FGF18: variants seen among roughly 807,000 people sequenced by gnomAD.
The protein encoded by FGF18 is fibroblast growth factor 18.
FGF18 carries 5 observed loss-of-function variants against 23.0 expected under a neutral mutation model. That is an observed-to-expected ratio of 0.22 (90% confidence interval 0.11 to 0.46). FGF18 has a LOEUF of 0.46. Ranked by LOEUF, FGF18 falls within the 20% of genes least tolerant of loss-of-function variation. The pLI is 0.99. For synonymous variants in FGF18, 117 were observed against 118.9 expected (o/e 0.98, Z 0.10); for missense variants, 180 against 291.6 (o/e 0.62, Z 2.79).
intron 2 of FGF18, among the ~76,000 whole-genome samples, chr5:171,423,040 T>C (rs985934240): frequency 2.0e-5 from 3 of 152,216 alleles, no homozygotes; most frequent in African/African-American, 7.2e-5. Flanking sequence ...CTCGCAGTGT[T>C]TTCCAGGACT....
intron 2 of FGF18, among the ~76,000 whole-genome samples, chr5:171,429,826 GT>G (rs1268506036): frequency 1.3e-5 from 2 of 152,228 alleles, no homozygotes; most frequent in Non-Finnish European, 2.9e-5. Context: ...CCAGCTTTTT[GT>G]GGACAATATT....
intron 2 of FGF18, among the ~76,000 whole-genome samples, chr5:171,428,547 A>G (rs779792561): frequency 2.6e-5 from 4 of 152,038 alleles, no homozygotes; most frequent in Non-Finnish European, 5.9e-5. Context: ...GCATGTGTCT[A>G]TGCGCATATA....
intron 3 of FGF18, among the ~76,000 whole-genome samples, chr5:171,438,418 T>G (rs918757159): frequency 1.3e-5 from 2 of 151,854 alleles, no homozygotes. Flanking sequence ...TTCTTAAGTG[T>G]AACATGGGTG....
chr5:171,427,936 T>C (rs893499367), intron 2 of FGF18, among the ~76,000 whole-genome samples: 3 of 152,022 alleles, frequency 2.0e-5, no homozygotes, highest in African/African-American at 7.3e-5. Context: ...TGTGACCGAG[T>C]GATTGACTGG....
intron 2 of FGF18, among the ~76,000 whole-genome samples, chr5:171,425,255 T>G (rs1196831706): frequency 2.0e-5 from 3 of 152,250 alleles, no homozygotes; most frequent in African/African-American, 7.2e-5. Context: ...TTTTTGTTAC[T>G]GTTGTTGAGT....
intron 4 of FGF18, among the ~76,000 whole-genome samples, chr5:171,453,195 A>T (rs755030852): frequency 4.6e-5 from 7 of 152,216 alleles, no homozygotes; most frequent in Non-Finnish European, 1.0e-4. Flanking sequence ...GAGCAGGGTC[A>T]TAGAGGTAGC....
Position 171,440,219 on chromosome 5 carries a change from G to GGT in FGF18, c.250+3952_250+3953dup, listed in dbSNP as rs1212793384. 1.6e-5 allele frequency among the ~76,000 whole-genome samples: 2 copies of GGT among 123,218 alleles called. No individual in the cohort carries two copies. Among genetic ancestry groups the GGT allele is most frequent in the Admixed American group, 7.7e-5 (1 of 12,954 alleles). The allele number at this position is 123,218 out of a possible 152,430, so 80.8% of individuals were successfully genotyped here. Reference sequence around the variant, plus strand: ...ATCACCACCTGACCTCCTTACTATGGGTGTGTGGGGGGGGGTGGTGCCATC... The same window carrying GGT: ...ATCACCACCTGACCTCCTTACTATGGGTGTGTGTGGGGGGGGGTGGTGCCATC... On this transcript the variant is annotated intron_variant, in intron 3 of 4. Transcript: ENST00000274625. This position sits in a 1 kb window ranked among gnomAD's most constrained non-coding sequence, Gnocchi z 4.0.
rs1052616357 is a variant in FGF18, at chr5:171,457,173, C to A, written c.*368C>A. ...GTTCTGAAAGGAAAAAAAAAAAAAA[C>A]AAAAAAAAAGAAAAACAAAGAGAAA... is the stretch of plus-strand genomic sequence containing the variant. On this transcript the variant is annotated 3_prime_UTR_variant, in exon 5 of 5. Transcript: ENST00000274625. The A allele has an allele frequency of 4.1e-4, 68 of 164,950 alleles. No individual in the cohort carries two copies. The highest frequency in any genetic ancestry group is 8.0e-4 in the African/African-American group (32 of 39,900). The allele number at this position is 164,950 out of a possible 1,614,324, so 10.2% of individuals were successfully genotyped here.
At chr5:171,442,455 G>A (rs545740490) in intron 3 of FGF18, among the ~76,000 whole-genome samples, 34 of 152,290 alleles carry the variant, frequency 2.2e-4, no homozygotes, top group African/African-American at 7.7e-4. Flanking sequence ...AAGACGCCTG[G>A]AGAGCAGCCA....
chr5:171,449,359 C>CAGTGTGTGTG, intron 4 of FGF18, 106 bp downstream of exon 4: 2 of 246,430 alleles, frequency 8.1e-6, no homozygotes, highest in Non-Finnish European at 1.6e-5. Context: ...GGAAAACAGG[C>CAGTGTGTGTG]CGTGTGTGTG....
At chr5:171,441,096 G>A (rs1223650556) in intron 3 of FGF18, among the ~76,000 whole-genome samples, 1 of 152,198 alleles carries the variant, frequency 6.6e-6, no homozygotes, top group African/African-American at 2.4e-5. Flanking sequence ...GGAAGGTCGG[G>A]GCTTCAGGGC....
intron 3 of FGF18, among the ~76,000 whole-genome samples, chr5:171,437,621 A>G (rs1283759340): frequency 1.4e-5 from 2 of 146,754 alleles, no homozygotes; most frequent in African/African-American, 5.1e-5. Context: ...CCTCCTCCCC[A>G]CCTCTCCCAG....
chr5:171,424,158 A>G (rs1035684198), intron 2 of FGF18, among the ~76,000 whole-genome samples: 6 of 152,186 alleles, frequency 3.9e-5, no homozygotes, highest in African/African-American at 1.4e-4. Flanking sequence ...TGCCTTGGGA[A>G]TAAGGTCTAG....
intron 4 of FGF18, among the ~76,000 whole-genome samples, chr5:171,455,788 A>G (rs1772572065): frequency 6.6e-6 from 1 of 152,200 alleles, no homozygotes; most frequent in South Asian, 2.1e-4. Flanking sequence ...CTGTGAGCCA[A>G]TCACTGAAGC....
At chr5:171,421,490 TAGAGA>T (rs1772006077) in intron 2 of FGF18, among the ~76,000 whole-genome samples, 4 of 152,152 alleles carry the variant, frequency 2.6e-5, no homozygotes, top group South Asian at 2.1e-4. Flanking sequence ...TTTCCGGGAT[TAGAGA>T]AGATTCTTAG....
At chr5:171,427,626 G>A (rs1772114596) in intron 2 of FGF18, among the ~76,000 whole-genome samples, 1 of 152,234 alleles carries the variant, frequency 6.6e-6, no homozygotes. Flanking sequence ...TAGCTATGTA[G>A]TAGGCACTCA....
In FGF18 at chr5:171,424,658, T is replaced by A. The variant is rs894249543; in HGVS notation, c.69+4215T>A. 2.6e-5 allele frequency among the ~76,000 whole-genome samples: 4 copies of A among 152,166 alleles called. No homozygotes were observed. The East Asian group carries it at 7.7e-4, about 29-fold the overall frequency. On this transcript the variant is annotated intron_variant, in intron 2 of 4. Transcript: ENST00000274625. ...ATCTGCAGTGAGATTCTCTTTGGATTCTGGTATAAGGGGGATGTTGAGAGC... is the reference window on the plus strand; with the variant it reads ...ATCTGCAGTGAGATTCTCTTTGGATACTGGTATAAGGGGGATGTTGAGAGC...
In FGF18 at chr5:171,437,406, G is replaced by A. The variant is rs575204592; in HGVS notation, c.250+1133G>A. 7.9e-5 allele frequency among the ~76,000 whole-genome samples: 12 copies of A among 152,360 alleles called. 1 individual carries two copies. The South Asian group carries it at 2.5e-3, about 32-fold the overall frequency. ...GCTGGGCCAGGCCAGGCCAGGCTGG[G>A]CAGGGCTGAGCCATGCTGGGCTTGT... On this transcript the variant is annotated intron_variant, in intron 3 of 4. Coordinates refer to ENST00000274625, the MANE Select transcript of FGF18 (RefSeq NM_003862.3).
chr5:171,448,327 G>A (rs973225510), intron 3 of FGF18, among the ~76,000 whole-genome samples: 3 of 152,012 alleles, frequency 2.0e-5, no homozygotes, highest in African/African-American at 7.2e-5. Flanking sequence ...CTCCATGGAC[G>A]GCAGTGGAAT....
Sources: gnomAD v4.1 joint callset for allele counts (sites outside exome capture counted in the v4.1 genomes callset) on GRCh38, gnomAD v4.1.1 for gene constraint, Gnocchi (gnomAD v3.1) non-coding constraint, MANE v1.5 for transcripts, NCBI Gene and HGNC (gene_info 2026-07-23, HGNC 2026-07-21) for gene names.